The following NCBP2 variants were observed in gnomAD, a reference collection of about 807,000 sequenced individuals.
NCBP2 encodes nuclear cap binding protein subunit 2, also known as nuclear cap-binding protein subunit 2.
In NCBP2, 8 loss-of-function variants were observed where a neutral mutation model predicts 21.5. That is an observed-to-expected ratio of 0.37 (90% CI 0.22 to 0.67). The LOEUF (loss-of-function observed/expected upper bound fraction) is 0.67. Among genes scored for constraint, NCBP2 ranks in the 30% least tolerant of loss-of-function variants. The pLI is 0.56. For missense variants in NCBP2, 127 were observed against 206.9 expected (o/e 0.61, Z 2.37); for synonymous variants, 92 against 75.8 (o/e 1.21, Z -1.11).
chr3:196,936,553 C>T lies in NCBP2; in HGVS notation c.*458G>A, dbSNP rs570317673. The T allele has an allele frequency of 4.2e-5, 7 of 167,988 alleles. No homozygotes were observed. The highest frequency in any genetic ancestry group is 1.4e-4 in the African/African-American group (6 of 41,694). 10.4% of individuals were successfully genotyped at this position (167,988 alleles called of 1,614,324 possible). ...AGCCTCCCAAAGTGTTGGGATTACA[C>T]GTGTGAGCCACCATGCCTGGCCCCA... On this transcript the variant is annotated 3_prime_UTR_variant, in exon 4 of 4. Coordinates refer to ENST00000321256, the MANE Select transcript of NCBP2 (RefSeq NM_007362.5).
chr3:196,939,109 C>T, intron 2 of NCBP2, 142 bp downstream of exon 2: 5 of 638,112 alleles, frequency 7.8e-6, no homozygotes, highest in South Asian at 6.0e-5. Flanking sequence ...ATCAGCTTTA[C>T]AGTATAAGGG....
At chr3:196,937,232 G>C (rs1004194357) in intron 3 of NCBP2, 150 bp from the exon 4 acceptor site, 1 of 855,756 alleles carries the variant, frequency 1.2e-6, no homozygotes, top group Non-Finnish European at 1.9e-6. Context: ...GCTCACTTCA[G>C]TGCGTTTTGC....
At chr3:196,938,855 T>C (rs546922967) in intron 2 of NCBP2, 1 of 157,396 alleles carries the variant, frequency 6.4e-6, no homozygotes, top group African/African-American at 2.4e-5. Flanking sequence ...AAAAAATGAT[T>C]TTAAAAACAG....
chr3:196,942,188 C>T (rs1209816975), intron 1 of NCBP2: 4 of 1,454,086 alleles, frequency 2.8e-6, no homozygotes, highest in African/African-American at 1.4e-5. Context: ...GTACAGGGAG[C>T]GGCTGCGAGC....
intron 1 of NCBP2, 164 bp downstream of exon 1, chr3:196,942,262 G>C (rs1363265277): frequency 1.6e-5 from 24 of 1,482,856 alleles, no homozygotes; most frequent in Non-Finnish European, 2.0e-5. Flanking sequence ...TGATATCCAA[G>C]CGCCCTTCCA....
intron 1 of NCBP2, 70 bp from the exon 2 acceptor site, chr3:196,939,502 G>T: frequency 9.0e-7 from 1 of 1,117,088 alleles, no homozygotes; most frequent in Non-Finnish European, 1.3e-6. Flanking sequence ...TCTAAGTACG[G>T]TAGAGACATT....
chr3:196,938,668 C>T (rs375936576), intron 2 of NCBP2: 18 of 152,366 alleles, frequency 1.2e-4, no homozygotes, highest in African/African-American at 2.9e-4. Flanking sequence ...GGTCTTAACC[C>T]GTCACCCCCG....
In NCBP2 at chr3:196,942,221, G is replaced by C. The variant is rs919735627; in HGVS notation, c.78+205C>G. 2.8e-5 allele frequency: 41 copies of C among 1,461,362 alleles called. No individual in the cohort carries two copies. The African/African-American group carries it at 5.6e-4, about 20-fold the overall frequency. The allele number at this position is 1,461,362 out of a possible 1,614,324, so 90.5% of individuals were successfully genotyped here. Reference sequence around the variant, plus strand: ...AGCGAATGGGATAAGCGAGCCTCCAGTTCCCCGTCTTCCAGAGCAAGTGGC... The same window carrying C: ...AGCGAATGGGATAAGCGAGCCTCCACTTCCCCGTCTTCCAGAGCAAGTGGC... On this transcript the variant is annotated intron_variant, in intron 1 of 3. Coordinates refer to ENST00000321256, the MANE Select transcript of NCBP2 (RefSeq NM_007362.5).
At chr3:196,939,229 A>G (rs1716413029) in intron 2 of NCBP2, 22 bp downstream of exon 2, 2 of 1,604,180 alleles carry the variant, frequency 1.2e-6, no homozygotes, top group Admixed American at 1.7e-5. Flanking sequence ...CAGCAGCTAC[A>G]TTAGATCCAT....
At chr3:196,940,660 T>C (rs183877106) in intron 1 of NCBP2, among the ~76,000 whole-genome samples, 71 of 152,210 alleles carry the variant, frequency 4.7e-4, no homozygotes, top group Admixed American at 4.1e-3. Flanking sequence ...GGCATTAGCA[T>C]CTAAAAAAAG....
At chr3:196,937,951 A>C in intron 2 of NCBP2, 3 of 327,312 alleles carry the variant, frequency 9.2e-6, no homozygotes, top group Non-Finnish European at 1.8e-5. Context: ...TTATCCAAGA[A>C]ACCAGTGCTG....
chr3:196,937,147 A>G (rs531424685), intron 3 of NCBP2, 65 bp from the exon 4 acceptor site: 2 of 1,462,508 alleles, frequency 1.4e-6, no homozygotes, highest in East Asian at 4.5e-5. Flanking sequence ...TGCCTCCCAC[A>G]AACATGTTAG....
chr3:196,941,817 C>G, intron 1 of NCBP2: 1 of 1,249,358 alleles, frequency 8.0e-7, no homozygotes. Flanking sequence ...TGAAATCCAG[C>G]AATTCTCCGA....
chr3:196,937,796 T>A lies in NCBP2; in HGVS notation c.261-148A>T. ...AGTAATTCAGCTTGCCCAGGCCTGT[T>A]TGCGATTGGTTTGGAAGCACATAGA... On this transcript the variant is annotated intron_variant, in intron 2 of 3. Transcript: ENST00000321256. The A allele has an allele frequency of 3.4e-6, 3 of 880,994 alleles. No homozygotes were observed. The South Asian group carries it at 4.8e-5, about 14-fold the overall frequency. The allele number at this position is 880,994 out of a possible 1,614,324, so 54.6% of individuals were successfully genotyped here. A position where few individuals can be genotyped will look rare whatever the true frequency, so the allele number is the denominator to read the frequency against.
chr3:196,940,372 CA>C (rs11450608), intron 1 of NCBP2, among the ~76,000 whole-genome samples: 23 of 145,754 alleles, frequency 1.6e-4, no homozygotes, highest in Non-Finnish European at 1.4e-4. Flanking sequence ...AACTCTATCT[CA>C]AAAAAAAAAA....
rs1052499331 is a variant in NCBP2 at position 196,935,693 on chromosome 3, G to A, written c.*1318C>T. 1 of 152,000 alleles carries A rather than the reference G, an allele frequency of 6.6e-6. No individual in the cohort carries two copies. The highest frequency in any genetic ancestry group is 6.6e-5 in the Admixed American group (1 of 15,248). 9.4% of individuals were successfully genotyped at this position (152,000 alleles called of 1,614,324 possible). On this transcript the variant is annotated 3_prime_UTR_variant, in exon 4 of 4. Coordinates refer to ENST00000321256, the MANE Select transcript of NCBP2 (RefSeq NM_007362.5). ...TAGGTACTTCAGCCCCAACTTTCAC[G>A]GACTATTGGAAATTAGAAGGTACTT...
intron 1 of NCBP2, chr3:196,940,254 CCCAGCTACTCGGGAGGCTGAAG>C (rs1388851892): frequency 1.3e-5 from 2 of 152,216 alleles, no homozygotes; most frequent in Non-Finnish European, 2.9e-5. Context: ...CGCCTGTAAT[CCCAGCTACTCGGGAGGCTGAAG>C]CAGGAGAATC....
chr3:196,941,306 A>G (rs1268114901), intron 1 of NCBP2, among the ~76,000 whole-genome samples: 1 of 152,016 alleles, frequency 6.6e-6, no homozygotes, highest in Non-Finnish European at 1.5e-5. Context: ...TGGCCAGGCT[A>G]GTCTTGAACT....
At chr3:196,939,841 A>AGT (rs1716445209) in intron 1 of NCBP2, 1 of 160,930 alleles carries the variant, frequency 6.2e-6, no homozygotes, top group Middle Eastern at 3.0e-3. Context: ...AGAGAGAGAG[A>AGT]GTTCCTCTTT....
Sources: allele counts gnomAD v4.1 joint callset (sites outside exome capture counted in the v4.1 genomes callset), GRCh38; gene constraint gnomAD v4.1.1; transcripts MANE v1.5; gene names NCBI Gene and HGNC (gene_info 2026-07-23, HGNC 2026-07-21).